CBLB: variants seen among roughly 807,000 people sequenced by gnomAD.
CBLB encodes Cbl proto-oncogene B.
A neutral mutation model predicts 104.9 loss-of-function variants in CBLB; 31 were observed. The observed-to-expected ratio is 0.30, with a 90% CI of 0.22 to 0.40. The LOEUF is 0.40. Ranked by LOEUF, CBLB falls within the 10% of genes least tolerant of loss-of-function variation. The pLI, the probability that CBLB is intolerant of heterozygous loss-of-function variation, is 1.00. For missense variants in CBLB, 1,062 were observed against 1,214.6 expected (o/e 0.87, Z 1.87); for synonymous variants, 440 against 422.6 (o/e 1.04, Z -0.51).
intron 17 of CBLB, chr3:105,672,597 T>C (rs1171730705): frequency 6.5e-6 from 1 of 154,158 alleles, no homozygotes; most frequent in African/African-American, 2.4e-5. Flanking sequence ...TAAAGAAAAA[T>C]ATTATATCCA....
intron 3 of CBLB, among the ~76,000 whole-genome samples, chr3:105,804,347 C>T (rs956451676): frequency 1.3e-5 from 2 of 149,570 alleles, no homozygotes; most frequent in African/African-American, 2.5e-5. Flanking sequence ...GGTGAAACAC[C>T]GTCTCTACCA....
At chr3:105,755,274 C>T (rs74416639) in intron 4 of CBLB, among the ~76,000 whole-genome samples, 1,622 of 151,684 alleles carry the variant, frequency 0.011, 33 homozygotes, top group African/African-American at 0.037. Flanking sequence ...TGAGAATATG[C>T]GGTGGAAAAA....
intron 3 of CBLB, among the ~76,000 whole-genome samples, chr3:105,782,289 A>T (rs1418494848): frequency 1.3e-5 from 2 of 152,244 alleles, no homozygotes; most frequent in Non-Finnish European, 2.9e-5. Flanking sequence ...CAAAGTCATA[A>T]GAGAAGTCAG....
intron 3 of CBLB, among the ~76,000 whole-genome samples, chr3:105,833,955 C>A (rs768803339): frequency 4.6e-5 from 7 of 151,874 alleles, no homozygotes; most frequent in Non-Finnish European, 1.0e-4. Flanking sequence ...TTAAGGTTGT[C>A]AGGTCCAGAA....
intron 18 of CBLB, among the ~76,000 whole-genome samples, chr3:105,659,518 G>C (rs1302690479): frequency 6.6e-6 from 1 of 152,192 alleles, no homozygotes; most frequent in East Asian, 1.9e-4. Context: ...GAGAGATAGA[G>C]AAAGGAAAAA....
chr3:105,815,677 C>T (rs1289923482), intron 3 of CBLB, among the ~76,000 whole-genome samples: 2 of 152,170 alleles, frequency 1.3e-5, no homozygotes, highest in African/African-American at 4.8e-5. Context: ...TACCATTTGA[C>T]CCCATAATCC....
intron 3 of CBLB, 102 bp from the exon 4 acceptor site, chr3:105,776,644 T>A: frequency 1.9e-6 from 2 of 1,077,658 alleles, no homozygotes; most frequent in East Asian, 5.0e-5. Flanking sequence ...TATGTATGTA[T>A]CAACGTATGT....
At chr3:105,742,309 T>C (rs892431783) in intron 6 of CBLB, among the ~76,000 whole-genome samples, 11 of 152,362 alleles carry the variant, frequency 7.2e-5, no homozygotes, top group South Asian at 2.1e-4. Context: ...AGATATACTT[T>C]AACATACATA....
intron 9 of CBLB, among the ~76,000 whole-genome samples, chr3:105,725,349 T>C (rs2073453953): frequency 6.6e-6 from 1 of 152,190 alleles, no homozygotes; most frequent in Admixed American, 6.5e-5. Flanking sequence ...TGAGTCTACA[T>C]TCTAAACACT....
rs993182614 is a variant in CBLB, at chr3:105,681,959, T to A, written c.2202-141A>T. Reference sequence around the variant, plus strand: ...TTTCTTTTCTCAAAATTACCAGTAATAACATCAAGATACTCATCCCTTATT... The same window carrying A: ...TTTCTTTTCTCAAAATTACCAGTAAAAACATCAAGATACTCATCCCTTATT... On this transcript the variant is annotated intron_variant, in intron 14 of 18. Coordinates refer to ENST00000394030, the MANE Select transcript of CBLB (RefSeq NM_170662.5). The A allele has an allele frequency of 1.0e-4, 64 of 636,970 alleles. 1 individual carries two copies. In the South Asian group the frequency reaches 1.2e-3, roughly 11 times the overall value. 39.5% of individuals were successfully genotyped at this position (636,970 alleles called of 1,614,324 possible).
chr3:105,813,264 A>G (rs1048988479), intron 3 of CBLB, among the ~76,000 whole-genome samples: 2 of 152,142 alleles, frequency 1.3e-5, no homozygotes, highest in Non-Finnish European at 2.9e-5. Context: ...CAAACAAAAC[A>G]TGGGGCTTAT....
chr3:105,755,734 C>T (rs1030748352), intron 4 of CBLB, among the ~76,000 whole-genome samples: 1 of 152,140 alleles, frequency 6.6e-6, no homozygotes, highest in Non-Finnish European at 1.5e-5. Flanking sequence ...AAAGCCTATA[C>T]ATTATGACTA....
intron 3 of CBLB, among the ~76,000 whole-genome samples, chr3:105,798,764 A>G (rs1265403158): frequency 1.3e-5 from 2 of 152,178 alleles, no homozygotes; most frequent in African/African-American, 2.4e-5. Flanking sequence ...ATTTTGAGTG[A>G]CATGCATTTA....
intron 18 of CBLB, among the ~76,000 whole-genome samples, chr3:105,666,153 C>T (rs1189851453): frequency 2.0e-5 from 3 of 152,138 alleles, no homozygotes; most frequent in African/African-American, 7.2e-5. Flanking sequence ...CTGAAACATA[C>T]TGTCTAAATT....
chr3:105,750,162 G>A (rs751055985), intron 5 of CBLB, among the ~76,000 whole-genome samples: 10 of 152,072 alleles, frequency 6.6e-5, no homozygotes, highest in Non-Finnish European at 1.2e-4. Context: ...GGGACTACAG[G>A]TGCTCATCAC....
chr3:105,790,416 T>C (rs2081498874), intron 3 of CBLB, among the ~76,000 whole-genome samples: 1 of 152,248 alleles, frequency 6.6e-6, no homozygotes, highest in African/African-American at 2.4e-5. Context: ...CAGTTTTCCC[T>C]GTTTTCAGAT....
intron 16 of CBLB, chr3:105,681,018 T>C (rs1490385938): frequency 1.2e-5 from 2 of 168,564 alleles, no homozygotes; most frequent in Non-Finnish European, 2.6e-5. Context: ...ACAGTTGTAA[T>C]GATTAGAATA....
rs565200965 is a variant in CBLB at position 105,806,951 on chromosome 3, T to G, written c.420-30409A>C. Among the ~76,000 whole-genome samples, 144 of 152,330 alleles carry G rather than the reference T, an allele frequency of 9.5e-4. 1 individual carries two copies. Among genetic ancestry groups the G allele is most frequent in the African/African-American group, 3.1e-3 (128 of 41,576 alleles). On this transcript the variant is annotated intron_variant, in intron 3 of 18. Transcript: ENST00000394030. Reference sequence around the variant, plus strand: ...TGTTACAAAACTAAAAATGGAACCATATGAATTGCTAGACTACTGTTATTG... The same window carrying G: ...TGTTACAAAACTAAAAATGGAACCAGATGAATTGCTAGACTACTGTTATTG...
intron 2 of CBLB, among the ~76,000 whole-genome samples, chr3:105,858,582 C>T (rs1290742240): frequency 6.6e-6 from 1 of 152,104 alleles, no homozygotes; most frequent in Non-Finnish European, 1.5e-5. Context: ...TGTAGGGCAC[C>T]GATTGGTGCA....
Sources: allele counts gnomAD v4.1 joint callset (sites outside exome capture counted in the v4.1 genomes callset), GRCh38; gene constraint gnomAD v4.1.1; transcripts MANE v1.5; gene names NCBI Gene and HGNC (gene_info 2026-07-23, HGNC 2026-07-21).